ZNF532: variants seen among roughly 807,000 people sequenced by gnomAD.
The protein encoded by ZNF532 is zinc finger protein 532.
ZNF532 carries 22 observed loss-of-function variants against 89.3 expected under a neutral mutation model. The observed-to-expected ratio is 0.25, with a 90% CI of 0.18 to 0.35. The LOEUF is 0.35. Ranked by LOEUF, ZNF532 falls within the 10% of genes least tolerant of loss-of-function variation. ZNF532 has a pLI of 1.00. For synonymous variants in ZNF532, 606 were observed against 649.6 expected (o/e 0.93, Z 1.02); for missense variants, 1,132 against 1,643.4 (o/e 0.69, Z 5.38).
intron 7 of ZNF532, among the ~76,000 whole-genome samples, chr18:58,956,068 C>CT (rs1179607822): frequency 6.6e-6 from 1 of 152,186 alleles, no homozygotes; most frequent in Non-Finnish European, 1.5e-5. Flanking sequence ...TTTTAAAAAA[C>CT]TATCTTTATC....
chr18:58,928,944 A>G (rs529524877), intron 3 of ZNF532, among the ~76,000 whole-genome samples: 1 of 152,350 alleles, frequency 6.6e-6, no homozygotes, highest in Non-Finnish European at 1.5e-5. Flanking sequence ...AACCATGTCT[A>G]AATTTAACCA....
chr18:58,869,061 C>T lies in ZNF532; in HGVS notation c.-18+3482C>T, dbSNP rs138540355. On this transcript the variant is annotated intron_variant, in intron 2 of 9. Coordinates refer to ENST00000591808, the MANE Select transcript of ZNF532 (RefSeq NM_001375912.1). ...GACCAATCTAAACACATAAAAGGTA[C>T]GGGAAAAATATGGTATTATAATCTT... Among the ~76,000 whole-genome samples the T allele has an allele frequency of 3.0e-4, 45 of 152,134 alleles. No individual in the cohort carries two copies. In the East Asian group the frequency reaches 6.6e-3, roughly 22 times the overall value.
chr18:58,968,123 T>C (rs771662606), intron 7 of ZNF532, among the ~76,000 whole-genome samples: 56 of 152,226 alleles, frequency 3.7e-4, no homozygotes, highest in Non-Finnish European at 7.1e-4. Context: ...GCTGCTGTTA[T>C]TTTGGAGACC....
intron 5 of ZNF532, among the ~76,000 whole-genome samples, chr18:58,942,213 G>T (rs1348555710): frequency 6.6e-6 from 1 of 151,144 alleles, no homozygotes; most frequent in African/African-American, 2.4e-5. Context: ...TAGTAGAGAT[G>T]GGGTTTCACC....
At position 58,948,059 on chromosome 18, in the gene ZNF532, T is replaced by C. The variant is rs1322264403; in HGVS notation, c.2706-8T>C. The C allele has an allele frequency of 2.5e-6, 4 of 1,606,612 alleles. No homozygotes were observed. Among genetic ancestry groups the C allele is most frequent in the Non-Finnish European group, 2.5e-6 (3 of 1,176,952 alleles). ...CTGACATGATCTCGCTGCACTCTTC[T>C]ATTTTAGAATAATATATAAGTGTTC... On this transcript the variant is annotated splice_region_variant and splice_polypyrimidine_tract_variant and intron_variant, in intron 5 of 9. Coordinates refer to ENST00000591808, the MANE Select transcript of ZNF532 (RefSeq NM_001375912.1).
At chr18:58,885,817 G>A (rs927382621) in intron 2 of ZNF532, among the ~76,000 whole-genome samples, 8 of 150,562 alleles carry the variant, frequency 5.3e-5, no homozygotes, top group East Asian at 2.0e-4. Context: ...TCGCATCATC[G>A]TACTCCAGCC....
intron 2 of ZNF532, among the ~76,000 whole-genome samples, chr18:58,886,238 C>T (rs556879639): frequency 6.6e-6 from 1 of 152,336 alleles, no homozygotes; most frequent in Admixed American, 6.5e-5. Context: ...GCCTTGGCCT[C>T]CCAAAGTGCT....
chr18:58,907,467 G>C (rs1292526650), intron 2 of ZNF532, among the ~76,000 whole-genome samples: 1 of 151,940 alleles, frequency 6.6e-6, no homozygotes, highest in East Asian at 1.9e-4. Context: ...GGGATTAGAG[G>C]TGTGAGCCAC....
At chr18:58,979,305 A>C (rs942521068) in intron 8 of ZNF532, 138 bp downstream of exon 8, 1 of 556,182 alleles carries the variant, frequency 1.8e-6, no homozygotes, top group Non-Finnish European at 3.0e-6. Context: ...TTGTTTTGGC[A>C]TAGAGTTTTT....
chr18:58,975,515 C>T (rs568584497), intron 7 of ZNF532, among the ~76,000 whole-genome samples: 3 of 152,254 alleles, frequency 2.0e-5, no homozygotes, highest in African/African-American at 7.2e-5. Context: ...AACCGAGACA[C>T]GTCCACCAAG....
At chr18:58,975,782 TCA>T (rs2066983111) in intron 7 of ZNF532, among the ~76,000 whole-genome samples, 1 of 152,226 alleles carries the variant, frequency 6.6e-6, no homozygotes, top group Admixed American at 6.5e-5. Context: ...GCTTATTAGT[TCA>T]CTATTTCTTT....
intron 2 of ZNF532, among the ~76,000 whole-genome samples, chr18:58,875,372 G>A (rs529053529): frequency 3.6e-4 from 55 of 152,228 alleles, no homozygotes; most frequent in African/African-American, 1.2e-3. Context: ...TGTGGCTTTT[G>A]TTATACTTCC....
At chr18:58,956,246 G>A (rs1365962038) in intron 7 of ZNF532, among the ~76,000 whole-genome samples, 1 of 152,214 alleles carries the variant, frequency 6.6e-6, no homozygotes, top group Non-Finnish European at 1.5e-5. Flanking sequence ...GGTTTTGATG[G>A]AGATGTTCAT....
intron 2 of ZNF532, chr18:58,896,355 C>T: frequency 6.6e-6 from 1 of 152,070 alleles, no homozygotes; most frequent in East Asian, 1.9e-4. Context: ...AAATAACTCT[C>T]CCTTCTCACC....
chr18:58,961,202 G>T (rs1211360101), intron 7 of ZNF532, among the ~76,000 whole-genome samples: 1 of 152,176 alleles, frequency 6.6e-6, no homozygotes, highest in Non-Finnish European at 1.5e-5. Flanking sequence ...CCGATCATTT[G>T]CATTTCTCAC....
At chr18:58,906,166 G>T (rs115469932) in intron 2 of ZNF532, among the ~76,000 whole-genome samples, 2 of 152,110 alleles carry the variant, frequency 1.3e-5, no homozygotes, top group Non-Finnish European at 2.9e-5. Flanking sequence ...TACTGTCCTC[G>T]GAAGAAAGTC....
At chr18:58,871,004 CAGAG>C (rs1377705405) in intron 2 of ZNF532, among the ~76,000 whole-genome samples, 3 of 151,982 alleles carry the variant, frequency 2.0e-5, no homozygotes, top group Non-Finnish European at 4.4e-5. Flanking sequence ...GAACATAAAA[CAGAG>C]AGGATAGAAG....
chr18:58,936,728 A>T (rs2062504874), intron 4 of ZNF532, among the ~76,000 whole-genome samples: 1 of 152,212 alleles, frequency 6.6e-6, no homozygotes, highest in East Asian at 1.9e-4. Flanking sequence ...GTTCATGTTG[A>T]CTGCTCCTTT....
chr18:58,969,482 G>A (rs1320429000), intron 7 of ZNF532, among the ~76,000 whole-genome samples: 1 of 152,162 alleles, frequency 6.6e-6, no homozygotes, highest in African/African-American at 2.4e-5. Flanking sequence ...TCTCTCACCT[G>A]GGTACACAGC....
Sources: gnomAD v4.1 joint callset for allele counts (sites outside exome capture counted in the v4.1 genomes callset) on GRCh38, gnomAD v4.1.1 for gene constraint, MANE v1.5 for transcripts, NCBI Gene and HGNC (gene_info 2026-07-23, HGNC 2026-07-21) for gene names.